The following ZNF821 variants were observed in gnomAD, a reference collection of about 807,000 sequenced individuals.
The protein encoded by ZNF821 is zinc finger protein 821.
Under a neutral mutation model 44.3 loss-of-function variants are expected in ZNF821, and 16 were observed. The observed-to-expected ratio is 0.36, with a 90% CI of 0.24 to 0.55. The LOEUF is 0.55. Among genes scored for constraint, ZNF821 ranks in the 20% least tolerant of loss-of-function variants. The pLI is 0.86. For synonymous variants in ZNF821, 204 were observed against 197.6 expected (o/e 1.03, Z -0.27); for missense variants, 436 against 547.6 (o/e 0.80, Z 2.03).
chr16:71,886,936 G>GTCTGGCTTTTGTCACTTAA (rs1367235576), upstream of ZNF821, among the ~76,000 whole-genome samples: 3 of 152,226 alleles, frequency 2.0e-5, no homozygotes, highest in Admixed American at 6.5e-5. Context: ...GACCTCTCGT[G>GTCTGGCTTTTGTCACTTAA]TCTGGCTTTT....
At chr16:71,877,841 G>C (rs1359279869) in intron 3 of ZNF821, among the ~76,000 whole-genome samples, 1 of 151,004 alleles carries the variant, frequency 6.6e-6, no homozygotes, top group African/African-American at 2.4e-5. Context: ...GATCGCTTGA[G>C]CCCAGGAGGT....
At chr16:71,873,827 A>T (rs1448155973) in intron 3 of ZNF821, among the ~76,000 whole-genome samples, 2 of 151,502 alleles carry the variant, frequency 1.3e-5, no homozygotes, top group African/African-American at 4.9e-5. Context: ...TAATTTTTAA[A>T]TTTTTTGTAG....
intron 3 of ZNF821, among the ~76,000 whole-genome samples, chr16:71,878,323 C>G (rs1461233309): frequency 6.6e-6 from 1 of 151,718 alleles, no homozygotes; most frequent in African/African-American, 2.4e-5. Flanking sequence ...GCCACGTTGG[C>G]CAGACTGGTC....
Position 71,860,117 on chromosome 16 carries a change from T to G in ZNF821, c.1140A>C (p.Glu380Asp). 3 of 1,614,216 alleles carry G rather than the reference T, an allele frequency of 1.9e-6. No individual in the cohort carries two copies. Among genetic ancestry groups the G allele is most frequent in the Non-Finnish European group, 2.5e-6 (3 of 1,180,028 alleles). Residue 380 changes from glutamate (E) to aspartate (D), a missense_variant, in exon 8 of 8, where the codon GAA becomes GAC. By Grantham distance (45) the Glu-to-Asp change is conservative (BLOSUM62 2). Around this residue, in one of 5 missense-constraint regions of ZNF821, gnomAD observed 55 missense variants for 56.9 expected, o/e 0.97. Transcript: ENST00000425432. The surrounding 1 kb of genome is among the most constrained non-coding windows in gnomAD (Gnocchi z 7.3). ...DPSAMAALAA[E>D]MNFFQLPVSG... ...TTACAGGCAGCTGGAAGAAGTTCAT[T>G]TCAGCTGCTAAGGCTGCCATGGCAG...
intron 1 of ZNF821, chr16:71,891,420 A>G (rs888909536): frequency 6.6e-6 from 1 of 152,206 alleles, no homozygotes; most frequent in Non-Finnish European, 1.5e-5. Context: ...ATTCCCTCAG[A>G]GATACTGTTT....
intron 3 of ZNF821, among the ~76,000 whole-genome samples, chr16:71,872,659 A>G (rs764006566): frequency 1.3e-5 from 2 of 152,198 alleles, no homozygotes; most frequent in Non-Finnish European, 2.9e-5. Flanking sequence ...AGGAAAAATG[A>G]GCTAGTATTG....
chr16:71,871,484 A>G (rs946735439), intron 3 of ZNF821, among the ~76,000 whole-genome samples: 1 of 152,246 alleles, frequency 6.6e-6, no homozygotes. Context: ...TTATCCCTTC[A>G]TAAGAAGGCA....
intron 1 of ZNF821, chr16:71,894,529 A>T: frequency 3.8e-6 from 1 of 264,646 alleles, no homozygotes; most frequent in Non-Finnish European, 7.3e-6. Context: ...TACAGGCGTG[A>T]GCCACCGCAC....
At chr16:71,864,673 G>C (rs538514903) in intron 5 of ZNF821, 22 of 522,198 alleles carry the variant, frequency 4.2e-5, no homozygotes, top group Non-Finnish European at 7.4e-5. Flanking sequence ...GGGAGCTGCA[G>C]GAAAGAGAGC....
upstream of ZNF821, among the ~76,000 whole-genome samples, chr16:71,889,452 C>A (rs1176739722): frequency 6.6e-6 from 1 of 152,048 alleles, no homozygotes; most frequent in African/African-American, 2.4e-5. Context: ...GTGCATGGAT[C>A]ACTTGAGATC....
chr16:71,886,360 C>T (rs998979717), upstream of ZNF821, among the ~76,000 whole-genome samples: 1 of 152,174 alleles, frequency 6.6e-6, no homozygotes, highest in Non-Finnish European at 1.5e-5. Context: ...CATAGTGAAA[C>T]CCTTGTCTCT....
At chr16:71,887,555 G>T (rs186262630), upstream of ZNF821, among the ~76,000 whole-genome samples, 123 of 152,120 alleles carry the variant, frequency 8.1e-4, no homozygotes, top group South Asian at 5.8e-3. Context: ...GCCATCGCGC[G>T]CAGCCCTCTG....
In ZNF821 at chr16:71,860,654, T is replaced by C; in HGVS notation, c.603A>G (p.Val201=). The part of the protein sequence containing the change: ...ATFNSEKLPE[V]LNMESLPTVH... ...CTGTGGGTAGGGATTCCATATTTAG[T>C]ACTTCAGGAAGTTTCTCACTGGAAA... Residue 201 remains valine, a synonymous_variant, in exon 8 of 8, where the codon GTA becomes GTG. Coordinates refer to ENST00000425432, the MANE Select transcript of ZNF821 (RefSeq NM_001201552.2). The surrounding 1 kb of genome is among the most constrained non-coding windows in gnomAD (Gnocchi z 7.3). 2 of 1,613,146 alleles carry C rather than the reference T, an allele frequency of 1.2e-6. No homozygotes were observed. The highest frequency in any genetic ancestry group is 1.7e-6 in the Non-Finnish European group (2 of 1,179,494).
At chr16:71,861,149 C>T (rs561649080) in intron 7 of ZNF821, among the ~76,000 whole-genome samples, 4 of 152,326 alleles carry the variant, frequency 2.6e-5, no homozygotes, top group East Asian at 3.9e-4. Flanking sequence ...CCACTGTGCC[C>T]GGCCGGGTGT....
chr16:71,875,291 CT>C lies in ZNF821; in HGVS notation c.40+4615del, dbSNP rs1300368635. Among the ~76,000 whole-genome samples the C allele has an allele frequency of 3.3e-5, 5 of 151,502 alleles. No individual in the cohort carries two copies. In the East Asian group the frequency reaches 7.7e-4, roughly 23 times the overall value. On this transcript the variant is annotated intron_variant, in intron 3 of 7. Coordinates refer to ENST00000425432, the MANE Select transcript of ZNF821 (RefSeq NM_001201552.2). ...TTTTCCATCTGTTTTTCTTTTTTTC[CT>C]TTTTTTTGAGATGGAGTCTCACTCC...
chr16:71,864,343 A>T, intron 5 of ZNF821, 101 bp from the exon 6 acceptor site: 1 of 917,726 alleles, frequency 1.1e-6, no homozygotes, highest in Non-Finnish European at 1.8e-6. Context: ...ACCCAGACTG[A>T]TGGCGCATGT....
At chr16:71,869,950 C>T (rs1311863520) in intron 3 of ZNF821, among the ~76,000 whole-genome samples, 2 of 152,146 alleles carry the variant, frequency 1.3e-5, no homozygotes, top group Non-Finnish European at 2.9e-5. Flanking sequence ...TGTCTATATT[C>T]CTTAACTGCC....
intron 6 of ZNF821, among the ~76,000 whole-genome samples, chr16:71,863,556 T>A (rs2034175101): frequency 3.3e-5 from 5 of 151,762 alleles, no homozygotes; most frequent in African/African-American, 1.2e-4. Context: ...CCAACTAATT[T>A]AAAAAAAAAT....
exon 1 of ZNF821, chr16:71,895,115 C>T: frequency 1.2e-5 from 4 of 331,324 alleles, no homozygotes; most frequent in Non-Finnish European, 2.3e-5. Flanking sequence ...GAAAGTCCAG[C>T]GAAAGGCGGC....
Sources: allele counts gnomAD v4.1 joint callset (sites outside exome capture counted in the v4.1 genomes callset), GRCh38; gene constraint gnomAD v4.1.1; regional missense constraint gnomAD v4.1.1; non-coding constraint Gnocchi (gnomAD v3.1); transcripts MANE v1.5; gene names NCBI Gene and HGNC (gene_info 2026-07-23, HGNC 2026-07-21).